PRKCZ: variants seen among roughly 807,000 people sequenced by gnomAD.
The protein encoded by PRKCZ is protein kinase C zeta type.
A neutral mutation model predicts 79.5 loss-of-function variants in PRKCZ; 33 were observed. The ratio of observed to expected loss-of-function variants is 0.41; its 90% CI spans 0.31 to 0.55. The LOEUF is 0.55. Ranked by LOEUF, PRKCZ falls within the 20% of genes least tolerant of loss-of-function variation. The pLI is 0.19. For missense variants in PRKCZ, 578 were observed against 813.5 expected, an observed-to-expected ratio of 0.71 and a Z score of 3.52; for synonymous variants, 342 against 320.9, an observed-to-expected ratio of 1.07 and a Z score of -0.70.
chr1:2,177,011 C>T lies in PRKCZ; in HGVS notation c.1575+1698C>T, dbSNP rs527897691. ...AAATTCTTCATTTAAATTTATGCCT[C>T]TGGTAGCATAAGGGAGAAGAGATCT... On this transcript the variant is annotated intron_variant, in intron 16 of 17. Transcript: ENST00000378567. This position sits in a 1 kb window ranked among gnomAD's most constrained non-coding sequence, Gnocchi z 6.4. Among the ~76,000 whole-genome samples the T allele has an allele frequency of 3.3e-5, 5 of 152,366 alleles. No homozygotes were observed. Among genetic ancestry groups the T allele is most frequent in the East Asian group, 1.9e-4 (1 of 5,194 alleles).
At chr1:2,106,382 G>A (rs912184778) in intron 4 of PRKCZ, among the ~76,000 whole-genome samples, 2 of 150,910 alleles carry the variant, frequency 1.3e-5, no homozygotes, top group Admixed American at 6.6e-5. Flanking sequence ...CACTCCAGCC[G>A]ATACCTGTGA....
At chr1:2,151,026 C>G (rs780609789) in intron 9 of PRKCZ, 48 bp downstream of exon 9, 14 of 1,595,866 alleles carry the variant, frequency 8.8e-6, no homozygotes, top group East Asian at 4.5e-5. Flanking sequence ...ACGCGCTGCC[C>G]TGGGGCCTCC....
At chr1:2,098,100 A>C (rs1557552116) in intron 4 of PRKCZ, among the ~76,000 whole-genome samples, 1 of 132,802 alleles carries the variant, frequency 7.5e-6, no homozygotes. Context: ...AAGGATGACT[A>C]AGGTCAGAGC....
chr1:2,077,300 C>T lies in PRKCZ; in HGVS notation c.334+17709C>T, dbSNP rs375883123. Among the ~76,000 whole-genome samples, 198 of 152,294 alleles carry T rather than the reference C, an allele frequency of 1.3e-3. 7 individuals are homozygous for T. In the South Asian group the frequency reaches 0.037, roughly 29 times the overall value. On this transcript the variant is annotated intron_variant, in intron 4 of 17. Transcript: ENST00000378567. ...GTCTTTCTGAAGTTTTCTTTTTGAA[C>T]GTCTCTTCTGTGGGAAGTTTGAAAA... is the stretch of plus-strand genomic sequence containing the variant.
Position 2,149,717 on chromosome 1 carries a change from T to C in PRKCZ, c.687+793T>C, listed in dbSNP as rs1679442709. ...CAAAAATAAATACAAAATAATTAGCTGGGCATGGTGGCACGGGCCTGTGGT... is the reference window on the plus strand; with the variant it reads ...CAAAAATAAATACAAAATAATTAGCCGGGCATGGTGGCACGGGCCTGTGGT... On this transcript the variant is annotated intron_variant, in intron 8 of 17. Coordinates refer to ENST00000378567, the MANE Select transcript of PRKCZ (RefSeq NM_002744.6). This position sits in a 1 kb window ranked among gnomAD's most constrained non-coding sequence, Gnocchi z 4.1. 6.6e-6 allele frequency among the ~76,000 whole-genome samples: 1 copy of C among 152,086 alleles called. No individual in the cohort carries two copies. The highest frequency in any genetic ancestry group is 2.4e-5 in the African/African-American group (1 of 41,404).
intron 9 of PRKCZ, among the ~76,000 whole-genome samples, chr1:2,154,316 C>T (rs1159453048): frequency 6.6e-6 from 1 of 152,048 alleles, no homozygotes; most frequent in Non-Finnish European, 1.5e-5. Context: ...AGAGGCCGGG[C>T]TGGGAGCTCT....
intron 4 of PRKCZ, among the ~76,000 whole-genome samples, chr1:2,060,214 G>A (rs900247406): frequency 3.3e-5 from 5 of 152,240 alleles, no homozygotes; most frequent in Admixed American, 2.0e-4. Flanking sequence ...TGCCTTGTTC[G>A]TTGTGTGGGC....
At chr1:2,171,820 G>A (rs552152519) in intron 11 of PRKCZ, among the ~76,000 whole-genome samples, 2 of 152,326 alleles carry the variant, frequency 1.3e-5, no homozygotes, top group African/African-American at 4.8e-5. Context: ...CTGCCACATC[G>A]TTCTCTGTGT....
At chr1:2,095,923 C>CCTTCCCCTCT (rs1338845828) in intron 4 of PRKCZ, among the ~76,000 whole-genome samples, 2 of 134,604 alleles carry the variant, frequency 1.5e-5, no homozygotes, top group African/African-American at 5.7e-5. Flanking sequence ...CTCTCCCCTC[C>CCTTCCCCTCT]CTTCCCCTCT....
At chr1:2,079,878 G>A (rs1663159926) in intron 4 of PRKCZ, among the ~76,000 whole-genome samples, 1 of 152,184 alleles carries the variant, frequency 6.6e-6, no homozygotes, top group South Asian at 2.1e-4. Context: ...CCCCAGGGGA[G>A]TGTCCTGCCT....
chr1:2,138,044 G>A (rs1332230982), intron 5 of PRKCZ, among the ~76,000 whole-genome samples: 1 of 152,190 alleles, frequency 6.6e-6, no homozygotes, highest in Non-Finnish European at 1.5e-5. Flanking sequence ...TGCTCGTAAC[G>A]TTCTCTGTCC....
At chr1:2,141,478 T>G (rs925414083) in intron 5 of PRKCZ, 4 of 152,230 alleles carry the variant, frequency 2.6e-5, no homozygotes, top group Non-Finnish European at 5.9e-5. Flanking sequence ...CCCGAGTAGC[T>G]GGGATTACAG....
At chr1:2,147,645 AT>A (rs1678897476) in intron 7 of PRKCZ, among the ~76,000 whole-genome samples, 1 of 146,876 alleles carries the variant, frequency 6.8e-6, no homozygotes, top group Non-Finnish European at 1.5e-5. Flanking sequence ...CCATCTATCC[AT>A]CCATCTATTG....
At chr1:2,091,876 G>A (rs930651820) in intron 4 of PRKCZ, among the ~76,000 whole-genome samples, 1 of 152,206 alleles carries the variant, frequency 6.6e-6, no homozygotes. Context: ...GGGCCACGGA[G>A]TTGTGGGCAA....
At position 2,125,923 on chromosome 1, in the gene PRKCZ, C is replaced by G. The variant is rs375283468; in HGVS notation, c.335-9339C>G. Reference sequence around the variant, plus strand: ...CCTTCCTTTCCATGGAGCACGGTTCCTGTCCCGGGGGTCCATATTGGCCAC... The same window carrying G: ...CCTTCCTTTCCATGGAGCACGGTTCGTGTCCCGGGGGTCCATATTGGCCAC... On this transcript the variant is annotated intron_variant, in intron 4 of 17. Coordinates refer to ENST00000378567, the MANE Select transcript of PRKCZ (RefSeq NM_002744.6). This position sits in a 1 kb window ranked among gnomAD's most constrained non-coding sequence, Gnocchi z 4.2. Among the ~76,000 whole-genome samples the G allele has an allele frequency of 1.3e-5, 2 of 152,198 alleles. No individual in the cohort carries two copies. Among genetic ancestry groups the G allele is most frequent in the South Asian group, 2.1e-4 (1 of 4,822 alleles).
intron 1 of PRKCZ, among the ~76,000 whole-genome samples, chr1:2,051,474 G>T (rs971995804): frequency 2.6e-5 from 4 of 152,226 alleles, no homozygotes; most frequent in African/African-American, 9.6e-5. Context: ...TCTTCCACCT[G>T]TGCGCGTCTC....
chr1:2,172,961 CGT>C lies in PRKCZ; in HGVS notation c.1285+579_1285+580del, dbSNP rs1297491742. 4.6e-5 allele frequency among the ~76,000 whole-genome samples: 7 copies of C among 151,492 alleles called. No homozygotes were observed. The highest frequency in any genetic ancestry group is 1.9e-4 in the East Asian group (1 of 5,164). ...GGGGATGTGGGCACGCGTGTGCAGC[CGT>C]GTGTGCGTGTGTGAAACGGGGACGT... On this transcript the variant is annotated intron_variant, in intron 13 of 17. Coordinates refer to ENST00000378567, the MANE Select transcript of PRKCZ (RefSeq NM_002744.6). The surrounding 1 kb of genome is among the most constrained non-coding windows in gnomAD (Gnocchi z 7.8).
chr1:2,136,395 G>T (rs1191637628), intron 5 of PRKCZ, among the ~76,000 whole-genome samples: 3 of 152,182 alleles, frequency 2.0e-5, no homozygotes, highest in Non-Finnish European at 4.4e-5. Context: ...TCCAGGAGAT[G>T]AGCAGGTCAG....
chr1:2,059,020 C>T (rs1660435545), intron 3 of PRKCZ, among the ~76,000 whole-genome samples: 1 of 152,156 alleles, frequency 6.6e-6, no homozygotes, highest in Non-Finnish European at 1.5e-5. Context: ...GTCTTGAACT[C>T]CTGGCCTGAA....
Sources: allele counts gnomAD v4.1 joint callset (sites outside exome capture counted in the v4.1 genomes callset), GRCh38; gene constraint gnomAD v4.1.1; non-coding constraint Gnocchi (gnomAD v3.1); transcripts MANE v1.5; gene names NCBI Gene and HGNC (gene_info 2026-07-23, HGNC 2026-07-21).